Variants in ZNF804B observed in about 807,000 individuals in gnomAD.
The protein encoded by ZNF804B is zinc finger 804B.
A neutral mutation model predicts 101.4 loss-of-function variants in ZNF804B; 80 were observed. That is an observed-to-expected ratio of 0.79 (90% CI 0.66 to 0.95). ZNF804B has a LOEUF of 0.95. Ranked by LOEUF, ZNF804B falls within the 40% of genes least tolerant of loss-of-function variation. ZNF804B has a pLI of 0.00. For synonymous variants in ZNF804B, 622 were observed against 558.8 expected (o/e 1.11, Z -1.59); for missense variants, 1,673 against 1,561.9 (o/e 1.07, Z -1.20).
At chr7:89,151,709 A>AT (rs1236820686) in intron 1 of ZNF804B, among the ~76,000 whole-genome samples, 1 of 151,924 alleles carries the variant, frequency 6.6e-6, no homozygotes, top group Non-Finnish European at 1.5e-5. Flanking sequence ...TGAAAAAAAA[A>AT]AATAATTTTC....
At chr7:88,914,853 GAA>G (rs904101953) in intron 1 of ZNF804B, among the ~76,000 whole-genome samples, 2 of 152,118 alleles carry the variant, frequency 1.3e-5, no homozygotes, top group African/African-American at 4.8e-5. Context: ...TGTTGAGAAA[GAA>G]AATGTGAATC....
chr7:89,184,207 T>TCA (rs1414733494), intron 1 of ZNF804B, among the ~76,000 whole-genome samples: 1 of 152,140 alleles, frequency 6.6e-6, no homozygotes. Flanking sequence ...GACTGCAATC[T>TCA]CACACACACA....
chr7:88,892,766 C>G (rs1792232446), intron 1 of ZNF804B, among the ~76,000 whole-genome samples: 2 of 152,246 alleles, frequency 1.3e-5, no homozygotes, highest in African/African-American at 2.4e-5. Context: ...CTCCTGGTCA[C>G]TTCGTTCCTG....
rs1048945166 is a variant in ZNF804B, at chr7:89,269,175, T to C, written c.249+50880T>C. On this transcript the variant is annotated intron_variant, in intron 2 of 3. Coordinates refer to ENST00000333190, the MANE Select transcript of ZNF804B (RefSeq NM_181646.5). ...GTGTACTGCACCCATTAACTCGTCA[T>C]TTACATTAGGTACATCTCCTAATAC... is the stretch of plus-strand genomic sequence containing the variant. 6.6e-5 allele frequency among the ~76,000 whole-genome samples: 10 copies of C among 152,106 alleles called. No individual in the cohort carries two copies. In the East Asian group the frequency reaches 1.9e-3, roughly 29 times the overall value.
At chr7:88,770,299 A>C (rs1043106122) in intron 1 of ZNF804B, among the ~76,000 whole-genome samples, 1 of 152,180 alleles carries the variant, frequency 6.6e-6, no homozygotes, top group Non-Finnish European at 1.5e-5. Flanking sequence ...GTGGGGTCCA[A>C]CTTAATCACA....
intron 2 of ZNF804B, among the ~76,000 whole-genome samples, chr7:89,283,504 G>T (rs993408754): frequency 1.3e-5 from 2 of 151,912 alleles, no homozygotes; most frequent in African/African-American, 4.8e-5. Context: ...CTCCAGCCTG[G>T]GTGACACAGC....
chr7:89,041,152 C>G (rs1469637315), intron 1 of ZNF804B, among the ~76,000 whole-genome samples: 1 of 152,118 alleles, frequency 6.6e-6, no homozygotes, highest in Non-Finnish European at 1.5e-5. Context: ...TAACCTCACA[C>G]TGTGTCAGGC....
intron 2 of ZNF804B, among the ~76,000 whole-genome samples, chr7:89,291,096 C>T (rs1259448456): frequency 1.3e-5 from 2 of 152,142 alleles, no homozygotes; most frequent in Non-Finnish European, 2.9e-5. Context: ...CCACCTAATA[C>T]AGATACAGCT....
intron 1 of ZNF804B, among the ~76,000 whole-genome samples, chr7:89,138,782 T>G (rs533727774): frequency 1.2e-3 from 181 of 152,210 alleles, no homozygotes; most frequent in African/African-American, 4.3e-3. Flanking sequence ...CTGATGGCTT[T>G]ATAAGGCAGA....
chr7:89,269,309 T>C (rs542208953), intron 2 of ZNF804B, among the ~76,000 whole-genome samples: 1 of 152,102 alleles, frequency 6.6e-6, no homozygotes, highest in African/African-American at 2.4e-5. Context: ...TGAGAACATG[T>C]TGTGTTTGGT....
At chr7:88,847,064 A>G (rs531453563) in intron 1 of ZNF804B, among the ~76,000 whole-genome samples, 24 of 152,160 alleles carry the variant, frequency 1.6e-4, no homozygotes, top group Non-Finnish European at 2.5e-4. Flanking sequence ...TTGGCAAACT[A>G]TTTTTAATTT....
intron 1 of ZNF804B, among the ~76,000 whole-genome samples, chr7:89,106,458 T>C (rs1443719646): frequency 8.5e-5 from 13 of 152,152 alleles, no homozygotes; most frequent in Admixed American, 7.9e-4. Context: ...TAATGAATGC[T>C]TTTGGAAACT....
At chr7:89,106,100 T>TAA (rs1174221068) in intron 1 of ZNF804B, among the ~76,000 whole-genome samples, 2 of 151,538 alleles carry the variant, frequency 1.3e-5, no homozygotes, top group Admixed American at 6.6e-5. Context: ...AAATAAAATA[T>TAA]AAGTTCCAAA....
chr7:89,327,319 T>C (rs759623114), intron 2 of ZNF804B, 25 bp from the exon 3 acceptor site: 1 of 1,566,486 alleles, frequency 6.4e-7, no homozygotes, highest in Non-Finnish European at 8.6e-7. Flanking sequence ...TTATAGTACC[T>C]TTTTGGTTTT....
intron 2 of ZNF804B, among the ~76,000 whole-genome samples, chr7:89,274,411 T>C (rs1789946871): frequency 7.1e-6 from 1 of 140,884 alleles, no homozygotes; most frequent in Non-Finnish European, 1.5e-5. Flanking sequence ...ATATGCGGTG[T>C]TTGGTTTTTT....
intron 1 of ZNF804B, among the ~76,000 whole-genome samples, chr7:89,120,105 C>T (rs1178246898): frequency 6.6e-6 from 1 of 152,080 alleles, no homozygotes; most frequent in Non-Finnish European, 1.5e-5. Flanking sequence ...ACCTTTATCA[C>T]CTTTATCTAT....
intron 2 of ZNF804B, among the ~76,000 whole-genome samples, chr7:89,310,983 T>A (rs1057442401): frequency 1.5e-4 from 23 of 148,940 alleles, no homozygotes; most frequent in African/African-American, 3.9e-4. Flanking sequence ...TTTTTTTTTT[T>A]AATTTTTGGG....
intron 1 of ZNF804B, among the ~76,000 whole-genome samples, chr7:89,016,237 G>A (rs904551043): frequency 7.2e-5 from 11 of 152,030 alleles, no homozygotes; most frequent in Non-Finnish European, 1.3e-4. Flanking sequence ...CTGGATATTA[G>A]CGCTTTGTCA....
intron 1 of ZNF804B, among the ~76,000 whole-genome samples, chr7:88,877,026 AATATAT>A (rs1231449305): frequency 0.018 from 756 of 41,100 alleles, 28 homozygotes; most frequent in East Asian, 0.11. Context: ...ATATATATAT[AATATAT>A]ATATATATAT....
Sources: gnomAD v4.1 joint callset for allele counts (sites outside exome capture counted in the v4.1 genomes callset) on GRCh38, gnomAD v4.1.1 for gene constraint, MANE v1.5 for transcripts, NCBI Gene and HGNC (gene_info 2026-07-23, HGNC 2026-07-21) for gene names.